RIMS2: variants seen among roughly 807,000 people sequenced by gnomAD.
RIMS2 encodes regulating synaptic membrane exocytosis 2.
Under a neutral mutation model 174.4 loss-of-function variants are expected in RIMS2, and 59 were observed. The observed-to-expected ratio is 0.34, with a 90% CI of 0.27 to 0.42. RIMS2 has a LOEUF of 0.42. RIMS2 is among the 10% of genes least tolerant of loss of function. RIMS2 has a pLI of 1.00. For missense variants in RIMS2, 1,620 were observed against 1,666.3 expected (o/e 0.97, Z 0.48); for synonymous variants, 606 against 572.5 (o/e 1.06, Z -0.84).
At chr8:103,826,728 CT>C (rs2098793393) in intron 3 of RIMS2, among the ~76,000 whole-genome samples, 1 of 150,516 alleles carries the variant, frequency 6.6e-6, no homozygotes, top group South Asian at 2.1e-4. Flanking sequence ...TATATACTCT[CT>C]GTCACCCAGT....
intron 1 of RIMS2, among the ~76,000 whole-genome samples, chr8:103,613,823 G>C (rs2095442881): frequency 6.6e-6 from 1 of 152,168 alleles, no homozygotes; most frequent in Admixed American, 6.5e-5. Context: ...GGTGTGTCTA[G>C]AAATGTTGCC....
At chr8:104,157,625 T>C (rs1416590390) in intron 19 of RIMS2, among the ~76,000 whole-genome samples, 1 of 152,186 alleles carries the variant, frequency 6.6e-6, no homozygotes, top group Non-Finnish European at 1.5e-5. Flanking sequence ...CTCTAGATAT[T>C]TCTACTCATC....
intron 1 of RIMS2, among the ~76,000 whole-genome samples, chr8:103,629,491 A>AT (rs1195627338): frequency 6.6e-6 from 1 of 152,226 alleles, no homozygotes; most frequent in Non-Finnish European, 1.5e-5. Context: ...ACTGCAGCCC[A>AT]CAAAAATAAG....
intron 6 of RIMS2, among the ~76,000 whole-genome samples, chr8:103,913,104 C>T (rs1164587218): frequency 6.7e-6 from 1 of 150,174 alleles, no homozygotes; most frequent in Non-Finnish European, 1.5e-5. Context: ...TCCCAAGTAG[C>T]TGTGACTATA....
intron 19 of RIMS2, chr8:104,093,517 C>T (rs1314889938): frequency 6.3e-7 from 1 of 1,597,272 alleles, no homozygotes. Flanking sequence ...AATGTTTCTA[C>T]TAAATCTTCG....
At chr8:103,959,825 G>A (rs190719801) in intron 14 of RIMS2, among the ~76,000 whole-genome samples, 6 of 152,238 alleles carry the variant, frequency 3.9e-5, no homozygotes, top group Non-Finnish European at 4.4e-5. Context: ...CCTCACTGAG[G>A]CTCAAATTAT....
At chr8:104,117,970 G>T (rs2098306655) in intron 19 of RIMS2, among the ~76,000 whole-genome samples, 1 of 152,234 alleles carries the variant, frequency 6.6e-6, no homozygotes, top group Admixed American at 6.5e-5. Context: ...TACACAGATT[G>T]TTTAGAATCA....
intron 15 of RIMS2, among the ~76,000 whole-genome samples, chr8:103,974,351 G>A (rs750226779): frequency 1.3e-5 from 2 of 152,146 alleles, no homozygotes; most frequent in Admixed American, 6.5e-5. Flanking sequence ...TTCCTAGCAC[G>A]TAGTAAAAGG....
At position 103,863,043 on chromosome 8, in the gene RIMS2, G is replaced by C. The variant is rs940374427; in HGVS notation, c.699-22255G>C. Among the ~76,000 whole-genome samples, 10 of 152,126 alleles carry C rather than the reference G, an allele frequency of 6.6e-5. No individual in the cohort carries two copies. In the South Asian group the frequency reaches 1.5e-3, roughly 22 times the overall value. The stretch of plus-strand genomic sequence containing the variant: ...ATAGTGGACATCCTTATCTTGTTCT[G>C]CTTCTTAGGGAGAATGCTTTCAACT... On this transcript the variant is annotated intron_variant, in intron 3 of 23. Transcript: ENST00000504942.
intron 19 of RIMS2, among the ~76,000 whole-genome samples, chr8:104,068,165 G>A (rs75148802): frequency 0.013 from 1,985 of 152,218 alleles, 26 homozygotes; most frequent in Middle Eastern, 0.11. Flanking sequence ...TTAAAAGTCA[G>A]AGTTCACATG....
At chr8:103,590,736 A>AT (rs894877444) in intron 1 of RIMS2, among the ~76,000 whole-genome samples, 64 of 151,284 alleles carry the variant, frequency 4.2e-4, no homozygotes, top group African/African-American at 1.5e-3. Flanking sequence ...TATTAATGCT[A>AT]TGTAGACTAT....
chr8:103,663,366 T>G (rs1234551842), intron 1 of RIMS2, among the ~76,000 whole-genome samples: 1 of 152,136 alleles, frequency 6.6e-6, no homozygotes, highest in South Asian at 2.1e-4. Context: ...GCGGATGACA[T>G]GATTATATAT....
chr8:104,195,318 G>C (rs985915784), intron 19 of RIMS2, among the ~76,000 whole-genome samples: 9 of 152,096 alleles, frequency 5.9e-5, no homozygotes, highest in African/African-American at 2.2e-4. Flanking sequence ...TTGGATGACT[G>C]AGTGAATAAA....
rs1314205041 is a variant in RIMS2 at position 103,952,489 on chromosome 8, G to A, written c.2702-8576G>A. 2.0e-5 allele frequency among the ~76,000 whole-genome samples: 3 copies of A among 152,144 alleles called. No individual in the cohort carries two copies. In the East Asian group the frequency reaches 5.8e-4, roughly 29 times the overall value. On this transcript the variant is annotated intron_variant, in intron 14 of 23. Transcript: ENST00000504942. ...AAACAGGGTATGCAGCAGACCTCTAGCAAACTCCAGCAGACCTGCAGCAGA... is the reference window on the plus strand; with the variant it reads ...AAACAGGGTATGCAGCAGACCTCTAACAAACTCCAGCAGACCTGCAGCAGA...
chr8:103,801,129 T>G (rs1439038090), intron 3 of RIMS2, among the ~76,000 whole-genome samples: 1 of 151,988 alleles, frequency 6.6e-6, no homozygotes, highest in Non-Finnish European at 1.5e-5. Context: ...GGACTACAGG[T>G]GCACACCACC....
At chr8:104,007,645 A>G (rs2095630649) in intron 17 of RIMS2, among the ~76,000 whole-genome samples, 1 of 152,160 alleles carries the variant, frequency 6.6e-6, no homozygotes, top group South Asian at 2.1e-4. Flanking sequence ...TAGATTCAAC[A>G]TCTATACCAT....
intron 19 of RIMS2, among the ~76,000 whole-genome samples, chr8:104,122,326 G>C (rs533735925): frequency 6.6e-6 from 1 of 152,228 alleles, no homozygotes; most frequent in Non-Finnish European, 1.5e-5. Context: ...ATGTGAAGCT[G>C]TAAGTGCTAG....
At chr8:104,142,395 C>G (rs764030830) in intron 19 of RIMS2, among the ~76,000 whole-genome samples, 2 of 152,210 alleles carry the variant, frequency 1.3e-5, no homozygotes, top group African/African-American at 2.4e-5. Context: ...TCCCAAAGTG[C>G]TGGGATTACA....
chr8:104,224,227 C>T (rs907072734), intron 19 of RIMS2, among the ~76,000 whole-genome samples: 1 of 152,130 alleles, frequency 6.6e-6, no homozygotes, highest in African/African-American at 2.4e-5. Flanking sequence ...CCTATGAAAA[C>T]CCAAGATCGG....
Sources: gnomAD v4.1 joint callset for allele counts (sites outside exome capture counted in the v4.1 genomes callset) on GRCh38, gnomAD v4.1.1 for gene constraint, MANE v1.5 for transcripts, NCBI Gene and HGNC (gene_info 2026-07-23, HGNC 2026-07-21) for gene names.